KATNIP: variants seen among roughly 807,000 people sequenced by gnomAD.
KATNIP encodes katanin interacting protein.
KATNIP carries 126 observed loss-of-function variants against 174.0 expected under a neutral mutation model. That is an observed-to-expected ratio of 0.72 (90% CI 0.63 to 0.84). The LOEUF (loss-of-function observed/expected upper bound fraction) is 0.84, where lower values mean the gene tolerates loss of function less well. Among genes scored for constraint, KATNIP ranks in the 40% least tolerant of loss-of-function variants. The probability of loss-of-function intolerance (pLI) is 0.00; values close to 1 mark genes in which losing one functional copy is unlikely to be tolerated. For missense variants in KATNIP, 1,958 were observed against 2,109.7 expected (o/e 0.93, Z 1.41); for synonymous variants, 810 against 835.7 (o/e 0.97, Z 0.53).
chr16:27,708,989 A>G, intron 13 of KATNIP, 69 bp downstream of exon 13: 1 of 1,302,402 alleles, frequency 7.7e-7, no homozygotes, highest in South Asian at 1.3e-5. Context: ...CCCTTGGTAA[A>G]TCTGTGTTAA....
intron 2 of KATNIP, among the ~76,000 whole-genome samples, chr16:27,602,289 C>A (rs1364026487): frequency 6.6e-6 from 1 of 152,258 alleles, no homozygotes; most frequent in East Asian, 1.9e-4. Context: ...GATGTCAGGT[C>A]TGCCCCAAGC....
At chr16:27,641,432 C>T (rs1402436686) in intron 5 of KATNIP, among the ~76,000 whole-genome samples, 1 of 152,156 alleles carries the variant, frequency 6.6e-6, no homozygotes, top group Non-Finnish European at 1.5e-5. Context: ...CACCCAATCA[C>T]TGGGGGGACA....
intron 3 of KATNIP, among the ~76,000 whole-genome samples, chr16:27,621,103 C>T (rs766003415): frequency 3.3e-5 from 5 of 152,032 alleles, no homozygotes; most frequent in Admixed American, 1.3e-4. Context: ...GTTCAAAACC[C>T]CGTCTCTAAA....
intron 13 of KATNIP, 97 bp downstream of exon 13, chr16:27,709,017 G>A: frequency 1.0e-6 from 1 of 998,792 alleles, no homozygotes; most frequent in Non-Finnish European, 1.5e-6. Context: ...AGTGGAGGGA[G>A]GGGAAGAACA....
intron 6 of KATNIP, among the ~76,000 whole-genome samples, chr16:27,661,414 C>CA (rs1273341002): frequency 6.6e-6 from 1 of 151,664 alleles, no homozygotes; most frequent in Non-Finnish European, 1.5e-5. Flanking sequence ...TTTTTTGAAA[C>CA]AGAGTCTCAC....
intron 2 of KATNIP, among the ~76,000 whole-genome samples, chr16:27,613,556 T>TG (rs1596929514): frequency 6.6e-6 from 1 of 151,710 alleles, no homozygotes; most frequent in East Asian, 1.9e-4. Flanking sequence ...ATTTTAATGT[T>TG]TCAAAATGGT....
rs758461678 is a variant in KATNIP at position 27,777,023 on chromosome 16, G to A, written c.4545G>A (p.Glu1515=). The change falls in exon 25 of 28, where the codon GAG becomes GAA. Residue 1515 remains glutamate (E), a synonymous_variant. Coordinates refer to ENST00000261588, the MANE Select transcript of KATNIP (RefSeq NM_015202.5). This position sits in a 1 kb window ranked among gnomAD's most constrained non-coding sequence, Gnocchi z 4.4. ...AAACACCCCATCGAGGGGTGAAGGA[G>A]TTTGGCGTAAGTACTTATTAGCTGA... ...YAKTPHRGVK[E]FGLLVDDLLV... is the part of the protein sequence containing the mutation. 1.0e-5 allele frequency: 16 copies of A among 1,607,124 alleles called. No homozygotes were observed. Among genetic ancestry groups the A allele is most frequent in the Non-Finnish European group, 1.4e-5 (16 of 1,173,756 alleles).
At chr16:27,614,836 A>C (rs2075994948) in intron 2 of KATNIP, among the ~76,000 whole-genome samples, 1 of 152,202 alleles carries the variant, frequency 6.6e-6, no homozygotes, top group Non-Finnish European at 1.5e-5. Context: ...AGATGGAAGC[A>C]GATGGCAACA....
chr16:27,761,810 C>G (rs1336606295), intron 19 of KATNIP, among the ~76,000 whole-genome samples: 2 of 152,178 alleles, frequency 1.3e-5, no homozygotes, highest in South Asian at 4.1e-4. Context: ...CTGGAAGTGT[C>G]AGGCGGGATT....
chr16:27,634,440 C>T (rs886505003), intron 5 of KATNIP, among the ~76,000 whole-genome samples: 1 of 152,202 alleles, frequency 6.6e-6, no homozygotes, highest in Admixed American at 6.5e-5. Flanking sequence ...AGCATGGCCA[C>T]TTAGCCTGGG....
At chr16:27,771,190 G>A (rs2082286102) in intron 21 of KATNIP, among the ~76,000 whole-genome samples, 1 of 152,136 alleles carries the variant, frequency 6.6e-6, no homozygotes, top group Non-Finnish European at 1.5e-5. Context: ...AGGGGGCAGT[G>A]GTACCAGGCA....
At chr16:27,669,196 C>CA in intron 6 of KATNIP, 1 of 745,984 alleles carries the variant, frequency 1.3e-6, no homozygotes, top group Non-Finnish European at 1.6e-6. Flanking sequence ...AAAGAGGAAG[C>CA]TCAGGCATAG....
intron 19 of KATNIP, among the ~76,000 whole-genome samples, chr16:27,764,979 A>ATT (rs796649066): frequency 1.3e-5 from 2 of 148,636 alleles, no homozygotes; most frequent in Admixed American, 6.7e-5. Flanking sequence ...CGATTATGAG[A>ATT]TTTTTTTTTT....
At chr16:27,657,574 A>G (rs1162291158) in intron 6 of KATNIP, among the ~76,000 whole-genome samples, 35 of 152,030 alleles carry the variant, frequency 2.3e-4, no homozygotes, top group Admixed American at 2.3e-3. Flanking sequence ...TAAAGAAAGC[A>G]TACCTAGTTA....
intron 16 of KATNIP, 61 bp from the exon 17 acceptor site, chr16:27,751,658 A>T: frequency 6.5e-7 from 1 of 1,530,592 alleles, no homozygotes; most frequent in South Asian, 1.1e-5. Context: ...TAGGCTCTTG[A>T]TCTACAAATC....
intron 2 of KATNIP, among the ~76,000 whole-genome samples, chr16:27,615,079 T>A (rs2076002151): frequency 6.6e-6 from 1 of 152,142 alleles, no homozygotes. Flanking sequence ...GAAAGCTGCA[T>A]GGGAAGAGTG....
chr16:27,604,072 G>A (rs988038607), intron 2 of KATNIP, among the ~76,000 whole-genome samples: 3 of 151,968 alleles, frequency 2.0e-5, no homozygotes, highest in Non-Finnish European at 2.9e-5. Flanking sequence ...AGCACTTATT[G>A]TCAGGTGACA....
rs1035654339 is a variant in KATNIP at position 27,752,649 on chromosome 16, T to C, written c.3552+725T>C. Among the ~76,000 whole-genome samples the C allele has an allele frequency of 2.0e-5, 3 of 152,260 alleles. No individual in the cohort carries two copies. In the East Asian group the frequency reaches 5.8e-4, roughly 29 times the overall value. On this transcript the variant is annotated intron_variant, in intron 17 of 27. Coordinates refer to ENST00000261588, the MANE Select transcript of KATNIP (RefSeq NM_015202.5). ...TCATTGCAGCTCAAACTCCCGGGGCTCAAGCAATCCTACCACCTCAGCCTC... is the reference window on the plus strand; with the variant it reads ...TCATTGCAGCTCAAACTCCCGGGGCCCAAGCAATCCTACCACCTCAGCCTC...
At chr16:27,607,290 A>T (rs147972207) in intron 2 of KATNIP, among the ~76,000 whole-genome samples, 1 of 152,288 alleles carries the variant, frequency 6.6e-6, no homozygotes, top group African/African-American at 2.4e-5. Flanking sequence ...TGCTATCTCC[A>T]CTTAGAGGCT....
Sources: allele counts gnomAD v4.1 joint callset (sites outside exome capture counted in the v4.1 genomes callset), GRCh38; gene constraint gnomAD v4.1.1; non-coding constraint Gnocchi (gnomAD v3.1); transcripts MANE v1.5; gene names NCBI Gene and HGNC (gene_info 2026-07-23, HGNC 2026-07-21).